Variants in EYS observed in about 807,000 individuals in gnomAD.
EYS encodes the protein EGF-like photoreceptor maintenance factor.
In EYS, 250 loss-of-function variants were observed where a neutral mutation model predicts 282.1. That is an observed-to-expected ratio of 0.89 (90% CI 0.80 to 0.98). The LOEUF (loss-of-function observed/expected upper bound fraction) is 0.98, where lower values mean the gene tolerates loss of function less well. Among genes scored for constraint, EYS ranks in the 50% least tolerant of loss-of-function variants. The pLI, the probability that EYS is intolerant of heterozygous loss-of-function variation, is 0.00. For synonymous variants in EYS, 1,355 were observed against 1,282.9 expected (o/e 1.06, Z -1.20); for missense variants, 4,016 against 3,709.0 (o/e 1.08, Z -2.15).
At chr6:64,036,921 A>T (rs2149834265) in intron 33 of EYS, among the ~76,000 whole-genome samples, 1 of 152,336 alleles carries the variant, frequency 6.6e-6, no homozygotes, top group Non-Finnish European at 1.5e-5. Context: ...AATGCACATG[A>T]TTTCAACTAT....
chr6:64,973,858 G>A (rs1240016584), intron 14 of EYS, among the ~76,000 whole-genome samples: 2 of 151,632 alleles, frequency 1.3e-5, no homozygotes, highest in Non-Finnish European at 3.0e-5. Flanking sequence ...AAGTCAAAAG[G>A]GTGAAATTCC....
intron 12 of EYS, among the ~76,000 whole-genome samples, chr6:65,211,348 C>T (rs1313879784): frequency 6.6e-6 from 1 of 151,966 alleles, no homozygotes. Flanking sequence ...AGAATCCCAA[C>T]CAAAACTGCT....
At chr6:65,460,323 TATAA>T (rs1193710237) in intron 5 of EYS, among the ~76,000 whole-genome samples, 1 of 151,844 alleles carries the variant, frequency 6.6e-6, no homozygotes. Flanking sequence ...CTAGCCATAC[TATAA>T]ATGTTTGCAT....
At chr6:63,941,643 G>A (rs528189686) in intron 35 of EYS, among the ~76,000 whole-genome samples, 70 of 152,224 alleles carry the variant, frequency 4.6e-4, no homozygotes, top group Non-Finnish European at 8.4e-4. Context: ...ATGCCACAAA[G>A]GACACTTATT....
chr6:63,890,984 C>A (rs1464925002), intron 35 of EYS, among the ~76,000 whole-genome samples: 9 of 152,142 alleles, frequency 5.9e-5, no homozygotes, highest in African/African-American at 2.2e-4. Flanking sequence ...ACTAGAAAAT[C>A]TAGAAGGAAT....
intron 33 of EYS, among the ~76,000 whole-genome samples, chr6:64,034,793 C>T (rs1203699541): frequency 6.6e-6 from 1 of 151,862 alleles, no homozygotes; most frequent in Non-Finnish European, 1.5e-5. Flanking sequence ...GACAATCAAG[C>T]ATACAGTGAA....
intron 26 of EYS, among the ~76,000 whole-genome samples, chr6:64,514,975 A>C (rs1305500190): frequency 6.6e-6 from 1 of 151,784 alleles, no homozygotes; most frequent in Non-Finnish European, 1.5e-5. Context: ...TCTTATAATT[A>C]TATTTATGCA....
chr6:64,870,964 C>T (rs1403688590), intron 19 of EYS, among the ~76,000 whole-genome samples: 1 of 151,800 alleles, frequency 6.6e-6, no homozygotes, highest in African/African-American at 2.4e-5. Context: ...AGTGGACCAA[C>T]ATACACACTG....
intron 41 of EYS, among the ~76,000 whole-genome samples, chr6:63,732,937 A>G (rs750233682): frequency 1.2e-4 from 18 of 152,338 alleles, no homozygotes; most frequent in Non-Finnish European, 2.4e-4. Flanking sequence ...GATACATCTT[A>G]GAAAAACAGG....
chr6:64,750,846 G>A (rs776417421), intron 22 of EYS, among the ~76,000 whole-genome samples: 1 of 152,150 alleles, frequency 6.6e-6, no homozygotes, highest in East Asian at 1.9e-4. Flanking sequence ...CATGCATGGA[G>A]GCATTCGGCT....
At chr6:64,811,926 C>T (rs1764608135) in intron 22 of EYS, among the ~76,000 whole-genome samples, 1 of 152,072 alleles carries the variant, frequency 6.6e-6, no homozygotes, top group South Asian at 2.1e-4. Flanking sequence ...TGTAAAAATA[C>T]ACATTTTAGG....
rs1470615608 is a variant in EYS at position 64,326,526 on chromosome 6, A to G, written c.6079-19444T>C. Among the ~76,000 whole-genome samples, 4 of 152,182 alleles carry G rather than the reference A, an allele frequency of 2.6e-5. No individual in the cohort carries two copies. In the East Asian group the frequency reaches 7.7e-4, roughly 29 times the overall value. On this transcript the variant is annotated intron_variant, in intron 29 of 42. Coordinates refer to ENST00000503581, the MANE Select transcript of EYS (RefSeq NM_001142800.2). The stretch of plus-strand genomic sequence containing the variant: ...TGTTTGGGGCTCAGACTTTCTGGAC[A>G]AATGTCTGGCTGAGCCAGTTATCAC...
At chr6:64,811,343 T>A (rs1208347817) in intron 22 of EYS, among the ~76,000 whole-genome samples, 1 of 151,792 alleles carries the variant, frequency 6.6e-6, no homozygotes, top group Admixed American at 6.6e-5. Flanking sequence ...CAGTAATGAA[T>A]GCCTATGCTT....
intron 31 of EYS, among the ~76,000 whole-genome samples, chr6:64,218,397 A>G (rs571716091): frequency 6.6e-6 from 1 of 152,102 alleles, no homozygotes; most frequent in Admixed American, 6.5e-5. Flanking sequence ...TGTAATCATC[A>G]AGAAGGACAG....
rs139162858 is a variant in EYS, at chr6:64,440,835, C to T, written c.5645-1483G>A. The stretch of plus-strand genomic sequence containing the variant: ...TGATGAAATTAAAAAAAATTACATA[C>T]AGGGGGTCTTCAAAAAGTTCACATA... On this transcript the variant is annotated intron_variant, in intron 26 of 42. Coordinates refer to ENST00000503581, the MANE Select transcript of EYS (RefSeq NM_001142800.2). Among the ~76,000 whole-genome samples the T allele has an allele frequency of 6.6e-5, 10 of 151,826 alleles. No individual in the cohort carries two copies. The East Asian group carries it at 1.4e-3, about 21-fold the overall frequency.
Position 64,324,174 on chromosome 6 carries a change from G to A in EYS, c.6079-17092C>T, listed in dbSNP as rs561903982. Among the ~76,000 whole-genome samples, 429 of 152,088 alleles carry A rather than the reference G, an allele frequency of 2.8e-3. 22 individuals carry two copies. In the South Asian group the frequency reaches 0.087, roughly 31 times the overall value. On this transcript the variant is annotated intron_variant, in intron 29 of 42. Transcript: ENST00000503581. ...TAATACCAAAATCTGGCAAAGACAC[G>A]ACAAAGAATGGAAACTTCAGGCCAA...
At chr6:65,144,769 C>CT (rs752743873) in intron 12 of EYS, among the ~76,000 whole-genome samples, 9,642 of 144,742 alleles carry the variant, frequency 0.067, 423 homozygotes, top group Admixed American at 0.15. Flanking sequence ...AGTTTACTTA[C>CT]TTTTTTTTTT....
At chr6:63,833,292 T>C (rs1562049471) in intron 36 of EYS, among the ~76,000 whole-genome samples, 1 of 152,188 alleles carries the variant, frequency 6.6e-6, no homozygotes, top group Non-Finnish European at 1.5e-5. Flanking sequence ...TGTTTGCAGA[T>C]GACATGATTG....
chr6:63,989,264 G>A (rs1201079668), intron 34 of EYS, among the ~76,000 whole-genome samples: 4 of 151,622 alleles, frequency 2.6e-5, no homozygotes, highest in Non-Finnish European at 5.9e-5. Context: ...GAATTGTATG[G>A]AAACAAATTT....
Sources: allele counts gnomAD v4.1 joint callset (sites outside exome capture counted in the v4.1 genomes callset), GRCh38; gene constraint gnomAD v4.1.1; transcripts MANE v1.5; gene names NCBI Gene and HGNC (gene_info 2026-07-23, HGNC 2026-07-21).